SOX6: variants seen among roughly 807,000 people sequenced by gnomAD.
SOX6 encodes transcription factor SOX-6.
SOX6 carries 11 observed loss-of-function variants against 97.8 expected under a neutral mutation model. That is an observed-to-expected ratio of 0.11 (90% confidence interval 0.07 to 0.19). The LOEUF is 0.19. Among genes scored for constraint, SOX6 ranks in the 10% least tolerant of loss-of-function variants. The pLI is 1.00. For synonymous variants in SOX6, 360 were observed against 371.4 expected, an observed-to-expected ratio of 0.97 and a Z score of 0.35; for missense variants, 810 against 1,039.5, an observed-to-expected ratio of 0.78 and a Z score of 3.04.
chr11:16,295,836 G>A (rs1217914931), intron 3 of SOX6, among the ~76,000 whole-genome samples: 1 of 152,104 alleles, frequency 6.6e-6, no homozygotes, highest in Non-Finnish European at 1.5e-5. Context: ...CTCACTAAGA[G>A]TAAATTCCAG....
At chr11:16,263,972 A>T (rs1853986091) in intron 3 of SOX6, among the ~76,000 whole-genome samples, 1 of 151,926 alleles carries the variant, frequency 6.6e-6, no homozygotes, top group Non-Finnish European at 1.5e-5. Flanking sequence ...AGGTAGTCCC[A>T]CCCACTACCC....
chr11:16,116,214 C>A (rs1011645646), intron 6 of SOX6, among the ~76,000 whole-genome samples: 1 of 152,068 alleles, frequency 6.6e-6, no homozygotes, highest in African/African-American at 2.4e-5. Flanking sequence ...ATGATGATGA[C>A]CACAGCAGCT....
Position 16,543,509 on chromosome 11 carries a change from A to G in SOX6, n.610-67121T>C, listed in dbSNP as rs1174980562. 4.6e-5 allele frequency among the ~76,000 whole-genome samples: 7 copies of G among 152,246 alleles called. No individual in the cohort carries two copies. In the East Asian group the frequency reaches 1.4e-3, roughly 29 times the overall value. ...CAAAGAACACTATCAAGAAAGTGAA[A>G]AGACCCACAGGCTGAAGAAAATATT... is the stretch of plus-strand genomic sequence containing the variant. On this transcript the variant is annotated intron_variant and non_coding_transcript_variant, in intron 4 of 5. Coordinates refer to the SOX6 transcript ENST00000524520.
Position 16,164,247 on chromosome 11 carries a change from G to A in SOX6, c.777+19639C>T, listed in dbSNP as rs1009786923. Among the ~76,000 whole-genome samples, 19 of 152,040 alleles carry A rather than the reference G, an allele frequency of 1.2e-4. 1 individual carries two copies. The highest frequency in any genetic ancestry group is 1.2e-3 in the Admixed American group (19 of 15,256). ...ACTTTCCACAGTGTTAGGATTACAG[G>A]GGTGAGCCACCATGCCCAGCCTAGA... On this transcript the variant is annotated intron_variant, in intron 6 of 15. Coordinates refer to ENST00000683767, the MANE Select transcript of SOX6 (RefSeq NM_001367873.1).
At chr11:16,702,593 C>G (rs1342907650) in intron 3 of SOX6, among the ~76,000 whole-genome samples, 1 of 152,154 alleles carries the variant, frequency 6.6e-6, no homozygotes. Flanking sequence ...CAGAACCCCC[C>G]ATTTCCAGAC....
chr11:16,468,011 C>T (rs184761999), intron 1 of SOX6, among the ~76,000 whole-genome samples: 8 of 152,250 alleles, frequency 5.3e-5, no homozygotes, highest in African/African-American at 1.2e-4. Flanking sequence ...GATGATTAAG[C>T]TTATCTTCTT....
rs574517352 is a variant in SOX6 at position 16,501,535 on chromosome 11, G to A, written n.610-25147C>T. Among the ~76,000 whole-genome samples, 21 of 151,962 alleles carry A rather than the reference G, an allele frequency of 1.4e-4. 1 individual carries two copies. Among genetic ancestry groups the A allele is most frequent in the African/African-American group, 4.4e-4 (18 of 41,270 alleles). On this transcript the variant is annotated intron_variant and non_coding_transcript_variant, in intron 4 of 5. Coordinates refer to the SOX6 transcript ENST00000524520. ...AGAGTGAACAGGCAACCTACAGAAT[G>A]GGAGAAAATTTTTGCAATCTACTCA...
At chr11:16,614,624 C>G (rs1405282692) in intron 3 of SOX6, among the ~76,000 whole-genome samples, 1 of 152,210 alleles carries the variant, frequency 6.6e-6, no homozygotes, top group Non-Finnish European at 1.5e-5. Context: ...GAATGCCAGG[C>G]TTAAGAACCT....
intron 3 of SOX6, among the ~76,000 whole-genome samples, chr11:16,294,501 C>T (rs1855010397): frequency 6.6e-6 from 1 of 152,026 alleles, no homozygotes; most frequent in Non-Finnish European, 1.5e-5. Flanking sequence ...TCAATGAAAT[C>T]TCAAATCATC....
chr11:16,404,785 T>G, intron 1 of SOX6, among the ~76,000 whole-genome samples: 1 of 151,996 alleles, frequency 6.6e-6, no homozygotes, highest in East Asian at 1.9e-4. Flanking sequence ...ATCCCGTTAT[T>G]TTAAATCTGT....
At chr11:16,698,907 T>C (rs749973759) in intron 3 of SOX6, among the ~76,000 whole-genome samples, 31 of 152,278 alleles carry the variant, frequency 2.0e-4, no homozygotes, top group Middle Eastern at 6.8e-3. Flanking sequence ...CACAGGTCAC[T>C]GTAAGAGATA....
At chr11:16,118,074 AC>A (rs1297183564) in intron 6 of SOX6, among the ~76,000 whole-genome samples, 2 of 152,338 alleles carry the variant, frequency 1.3e-5, no homozygotes, top group African/African-American at 4.8e-5. Context: ...AAAGAGCAAA[AC>A]TAGATGTGGC....
chr11:16,643,075 C>T (rs146746664), intron 3 of SOX6, among the ~76,000 whole-genome samples: 19,772 of 152,126 alleles, frequency 0.13, 1,494 homozygotes, highest in Non-Finnish European at 0.17. Context: ...ATGATGGTGA[C>T]GTACAGATGG....
chr11:16,541,859 G>C (rs550797462), intron 4 of SOX6, among the ~76,000 whole-genome samples: 1 of 152,208 alleles, frequency 6.6e-6, no homozygotes, highest in Non-Finnish European at 1.5e-5. Flanking sequence ...CTTTTACACC[G>C]TTGGTGGGAG....
In SOX6 at chr11:16,692,764, G is replaced by A. The variant is rs149460313; in HGVS notation, n.429+22066C>T. Among the ~76,000 whole-genome samples the A allele has an allele frequency of 5.7e-3, 875 of 152,220 alleles. 7 individuals carry two copies. Among genetic ancestry groups the A allele is most frequent in the African/African-American group, 0.02 (844 of 41,550 alleles). ...CATTGTTTTTTCTTTTACAAAATCAGTATTGTCCTATTTATAAAGTTTTGT... is the reference window on the plus strand; with the variant it reads ...CATTGTTTTTTCTTTTACAAAATCAATATTGTCCTATTTATAAAGTTTTGT... On this transcript the variant is annotated intron_variant and non_coding_transcript_variant, in intron 3 of 5. Coordinates refer to the SOX6 transcript ENST00000524520.
chr11:15,995,307 C>T (rs1423076334), intron 13 of SOX6, among the ~76,000 whole-genome samples: 1 of 152,060 alleles, frequency 6.6e-6, no homozygotes. Context: ...ATTCAATATG[C>T]CAGGACTAAG....
At chr11:16,172,620 C>G (rs1003632049) in intron 6 of SOX6, among the ~76,000 whole-genome samples, 4 of 151,994 alleles carry the variant, frequency 2.6e-5, no homozygotes, top group African/African-American at 9.7e-5. Flanking sequence ...TGCCTTTGAG[C>G]TTCCTAAGCA....
intron 1 of SOX6, among the ~76,000 whole-genome samples, chr11:16,436,474 C>T (rs1859378506): frequency 6.6e-6 from 1 of 152,060 alleles, no homozygotes; most frequent in African/African-American, 2.4e-5. Context: ...CAGGTAACTC[C>T]CAAATCTCTA....
chr11:16,306,028 T>C (rs924752978), intron 3 of SOX6, among the ~76,000 whole-genome samples: 2 of 152,112 alleles, frequency 1.3e-5, no homozygotes, highest in African/African-American at 4.8e-5. Context: ...AGCATTTGAC[T>C]GTTGTAGTGG....
Sources: gnomAD v4.1 joint callset for allele counts (sites outside exome capture counted in the v4.1 genomes callset) on GRCh38, gnomAD v4.1.1 for gene constraint, MANE v1.5 for transcripts, NCBI Gene and HGNC (gene_info 2026-07-23, HGNC 2026-07-21) for gene names.